The following WWOX variants were observed in gnomAD, a reference collection of about 807,000 sequenced individuals.
The protein encoded by WWOX is WW domain-containing oxidoreductase.
Under a neutral mutation model 46.2 loss-of-function variants are expected in WWOX, and 69 were observed. The observed-to-expected ratio is 1.49, with a 90% CI of 1.23 to 1.82. WWOX has a LOEUF of 1.82. Among genes scored for constraint, WWOX ranks in the 40% most tolerant of loss-of-function variants. The pLI, the probability that WWOX is intolerant of heterozygous loss-of-function variation, is 0.00. For missense variants in WWOX, 919 were observed against 542.6 expected, an observed-to-expected ratio of 1.69 and a Z score of -6.89; for synonymous variants, 359 against 202.6, an observed-to-expected ratio of 1.77 and a Z score of -6.56.
At chr16:78,711,781 C>T (rs2048449569) in intron 8 of WWOX, among the ~76,000 whole-genome samples, 1 of 152,144 alleles carries the variant, frequency 6.6e-6, no homozygotes, top group Non-Finnish European at 1.5e-5. Context: ...AGTGAGCGCA[C>T]AGGAGCCTTC....
intron 5 of WWOX, among the ~76,000 whole-genome samples, chr16:78,227,799 C>G (rs1447329193): frequency 1.3e-5 from 2 of 152,158 alleles, no homozygotes; most frequent in African/African-American, 4.8e-5. Context: ...ATCGCTTGAA[C>G]TCGGGAGGCG....
At chr16:78,546,403 A>T (rs564471318) in intron 8 of WWOX, among the ~76,000 whole-genome samples, 3 of 152,202 alleles carry the variant, frequency 2.0e-5, no homozygotes, top group Non-Finnish European at 4.4e-5. Flanking sequence ...GGCAGCCCAC[A>T]TTGAGTGTAA....
chr16:79,158,939 G>A (rs1038742864), intron 8 of WWOX, among the ~76,000 whole-genome samples: 4 of 152,174 alleles, frequency 2.6e-5, no homozygotes, highest in Admixed American at 1.3e-4. Flanking sequence ...CACCAGGAAC[G>A]TGACATTTAT....
chr16:78,609,619 T>C (rs2045850831), intron 8 of WWOX, among the ~76,000 whole-genome samples: 1 of 151,928 alleles, frequency 6.6e-6, no homozygotes, highest in Non-Finnish European at 1.5e-5. Context: ...AGGCAGGCTC[T>C]TGGGGGCTTC....
At chr16:78,661,767 T>C (rs1294676376) in intron 8 of WWOX, among the ~76,000 whole-genome samples, 4 of 152,224 alleles carry the variant, frequency 2.6e-5, no homozygotes, top group Admixed American at 2.0e-4. Context: ...CTGGGTACAA[T>C]GGCTGACGCC....
chr16:78,943,608 G>A (rs1348671279), intron 8 of WWOX, among the ~76,000 whole-genome samples: 3 of 152,134 alleles, frequency 2.0e-5, no homozygotes, highest in African/African-American at 4.8e-5. Flanking sequence ...GAGGGCGATG[G>A]CTCCACTCTG....
intron 8 of WWOX, among the ~76,000 whole-genome samples, chr16:78,786,110 G>T (rs923327809): frequency 2.4e-4 from 36 of 152,030 alleles, no homozygotes; most frequent in African/African-American, 8.2e-4. Flanking sequence ...AGATTTTCCC[G>T]TGTTGGCCAG....
At position 78,940,500 on chromosome 16, in the gene WWOX, G is replaced by A. The variant is rs1280272011; in HGVS notation, c.1057-271108G>A. Among the ~76,000 whole-genome samples the A allele has an allele frequency of 3.3e-5, 5 of 152,050 alleles. 1 individual carries two copies. Among genetic ancestry groups the A allele is most frequent in the African/African-American group, 7.2e-5 (3 of 41,398 alleles). On this transcript the variant is annotated intron_variant, in intron 8 of 8. Transcript: ENST00000566780. ...AGTATCCGGTGTTAGGAGTTCTTTCGAAGTCACATTTTTACATCATTTCCA... is the reference window on the plus strand; with the variant it reads ...AGTATCCGGTGTTAGGAGTTCTTTCAAAGTCACATTTTTACATCATTTCCA...
chr16:78,245,737 G>C (rs1202864967), intron 5 of WWOX, among the ~76,000 whole-genome samples: 8 of 152,242 alleles, frequency 5.3e-5, no homozygotes, highest in Admixed American at 5.2e-4. Context: ...TCTGAAAGCA[G>C]TTCCAAATTT....
intron 8 of WWOX, among the ~76,000 whole-genome samples, chr16:78,735,450 G>C (rs1478337020): frequency 3.4e-5 from 5 of 146,068 alleles, no homozygotes; most frequent in African/African-American, 1.1e-4. Flanking sequence ...ATTCTCTGGA[G>C]AACCCTGACT....
chr16:78,614,072 T>TG (rs1187957700), intron 8 of WWOX, among the ~76,000 whole-genome samples: 1 of 152,220 alleles, frequency 6.6e-6, no homozygotes, highest in African/African-American at 2.4e-5. Context: ...CGCTGAACCT[T>TG]GCATGTTGTG....
intron 8 of WWOX, among the ~76,000 whole-genome samples, chr16:78,882,669 G>C (rs1201551038): frequency 1.3e-5 from 2 of 151,852 alleles, no homozygotes; most frequent in Non-Finnish European, 2.9e-5. Context: ...TGTATTTTTA[G>C]TAGAGACAGG....
At chr16:78,397,609 A>G (rs149364068) in intron 6 of WWOX, among the ~76,000 whole-genome samples, 8 of 152,342 alleles carry the variant, frequency 5.3e-5, no homozygotes, top group African/African-American at 1.7e-4. Context: ...GAAATATACC[A>G]TGTAAAAAAC....
chr16:78,291,825 G>A (rs1331760849), intron 5 of WWOX, among the ~76,000 whole-genome samples: 1 of 152,148 alleles, frequency 6.6e-6, no homozygotes, highest in Non-Finnish European at 1.5e-5. Context: ...AACCAGGCAA[G>A]AAGCCATCTT....
chr16:78,736,228 T>G (rs2049088559), intron 8 of WWOX, among the ~76,000 whole-genome samples: 1 of 152,168 alleles, frequency 6.6e-6, no homozygotes, highest in South Asian at 2.1e-4. Flanking sequence ...ACCTCAAACT[T>G]GACCCGCTTG....
chr16:78,224,357 A>G (rs559140264), intron 5 of WWOX, among the ~76,000 whole-genome samples: 5 of 151,736 alleles, frequency 3.3e-5, no homozygotes, highest in African/African-American at 1.2e-4. Context: ...GTCATTTCCA[A>G]TATGTAATTC....
intron 8 of WWOX, among the ~76,000 whole-genome samples, chr16:78,784,051 A>G (rs112687354): frequency 0.013 from 1,940 of 152,200 alleles, 36 homozygotes; most frequent in African/African-American, 0.042. Context: ...AGTGATGATG[A>G]TATCAACAGA....
At chr16:78,520,361 C>T (rs138009872) in intron 8 of WWOX, among the ~76,000 whole-genome samples, 367 of 152,274 alleles carry the variant, frequency 2.4e-3, no homozygotes, top group African/African-American at 8.5e-3. Flanking sequence ...TTGACCAGCC[C>T]ATCACAGTAT....
At chr16:78,704,646 G>C (rs1292662151) in intron 8 of WWOX, among the ~76,000 whole-genome samples, 4 of 152,142 alleles carry the variant, frequency 2.6e-5, no homozygotes, top group Non-Finnish European at 5.9e-5. Context: ...CTAAACTGCA[G>C]GAAGGGTATC....
Sources: allele counts gnomAD v4.1 joint callset (sites outside exome capture counted in the v4.1 genomes callset), GRCh38; gene constraint gnomAD v4.1.1; transcripts MANE v1.5; gene names NCBI Gene and HGNC (gene_info 2026-07-23, HGNC 2026-07-21).